The following TRPM3 variants were observed in gnomAD, a reference collection of about 807,000 sequenced individuals.
TRPM3 encodes the protein transient receptor potential cation channel subfamily M member 3.
In TRPM3, 77 loss-of-function variants were observed where a neutral mutation model predicts 181.2. That is an observed-to-expected ratio of 0.42 (90% CI 0.35 to 0.51). The LOEUF (loss-of-function observed/expected upper bound fraction) is 0.51. TRPM3 is among the 20% of genes least tolerant of loss of function. TRPM3 has a pLI of 0.01. For missense variants in TRPM3, 1,759 were observed against 2,196.7 expected (o/e 0.80, Z 3.98); for synonymous variants, 745 against 796.4 (o/e 0.94, Z 1.09).
intron 1 of TRPM3, among the ~76,000 whole-genome samples, chr9:71,042,336 T>C (rs1281021136): frequency 6.6e-6 from 1 of 152,222 alleles, no homozygotes; most frequent in African/African-American, 2.4e-5. Flanking sequence ...TACACAGCAT[T>C]TCCCACTTCA....
intron 8 of TRPM3, among the ~76,000 whole-genome samples, chr9:70,750,872 G>C (rs1363634792): frequency 6.6e-6 from 1 of 152,054 alleles, no homozygotes; most frequent in Non-Finnish European, 1.5e-5. Flanking sequence ...CAAGCTGTAA[G>C]TATGGTTGGA....
At chr9:71,322,339 C>A (rs1271144851) in intron 1 of TRPM3, among the ~76,000 whole-genome samples, 6 of 152,144 alleles carry the variant, frequency 3.9e-5, no homozygotes, top group Admixed American at 3.9e-4. Context: ...ACAAATGATT[C>A]ATCCAGACGA....
chr9:70,811,215 G>A (rs958237692), intron 6 of TRPM3: 11 of 1,612,020 alleles, frequency 6.8e-6, no homozygotes, highest in East Asian at 4.5e-5. Context: ...TAAAACAAGC[G>A]GGAGTCAAGA....
chr9:70,648,789 A>G (rs2059242098), intron 9 of TRPM3, among the ~76,000 whole-genome samples: 1 of 152,224 alleles, frequency 6.6e-6, no homozygotes. Context: ...CTGGTTAGCC[A>G]CATGCAAAAG....
chr9:70,887,759 C>A (rs1185885705), intron 1 of TRPM3, among the ~76,000 whole-genome samples: 2 of 152,102 alleles, frequency 1.3e-5, no homozygotes, highest in Non-Finnish European at 2.9e-5. Context: ...TCTTTACCAC[C>A]AGAGAATGGT....
At chr9:71,308,353 G>C (rs1211651533) in intron 1 of TRPM3, among the ~76,000 whole-genome samples, 1 of 152,120 alleles carries the variant, frequency 6.6e-6, no homozygotes, top group Non-Finnish European at 1.5e-5. Context: ...TATTTGAGAT[G>C]TTGTCAGCAT....
At chr9:70,833,484 T>A (rs1415231) in intron 5 of TRPM3, among the ~76,000 whole-genome samples, 80,349 of 151,960 alleles carry the variant, frequency 0.53, 21,887 homozygotes, top group Non-Finnish European at 0.56. Flanking sequence ...ACTTATTGCA[T>A]GCCAGGCACT....
chr9:71,321,790 GA>G (rs2089244423), intron 1 of TRPM3, among the ~76,000 whole-genome samples: 1 of 152,026 alleles, frequency 6.6e-6, no homozygotes, highest in African/African-American at 2.4e-5. Flanking sequence ...AATACTTATT[GA>G]GCAATTAGTC....
At chr9:70,640,739 T>C in intron 9 of TRPM3, 79 bp from the exon 10 acceptor site, 1 of 1,099,376 alleles carries the variant, frequency 9.1e-7, no homozygotes, top group Non-Finnish European at 1.4e-6. Flanking sequence ...GCCTGCTCCA[T>C]CCCTCTGCCA....
chr9:71,342,980 T>C (rs1379348763), intron 1 of TRPM3, among the ~76,000 whole-genome samples: 1 of 152,084 alleles, frequency 6.6e-6, no homozygotes, highest in African/African-American at 2.4e-5. Flanking sequence ...TCTACAATAG[T>C]GTACCCTTTG....
rs2094209359 is a variant in TRPM3, at chr9:71,446,734, G to A, written c.102C>T (p.Gly34=). ...ACCTTTTCCACGACTCGGCAAACCTGCCCCGGCTGGCGCTCCGGCTGCGTC... is the reference window on the plus strand; with the variant it reads ...ACCTTTTCCACGACTCGGCAAACCTACCCCGGCTGGCGCTCCGGCTGCGTC... The change falls in exon 1 of 25, where the codon GGC becomes GGT. Residue 34 remains glycine, a synonymous_variant. Transcript: ENST00000357533. The A allele has an allele frequency of 2.6e-6, 4 of 1,550,444 alleles. No homozygotes were observed. In the South Asian group the frequency reaches 4.8e-5, roughly 18 times the overall value.
At chr9:71,050,912 G>A (rs1270420720) in intron 1 of TRPM3, among the ~76,000 whole-genome samples, 1 of 152,206 alleles carries the variant, frequency 6.6e-6, no homozygotes, top group Non-Finnish European at 1.5e-5. Context: ...TGGGAGGGGA[G>A]AAGGACTGAC....
rs189420918 is a variant in TRPM3, at chr9:71,210,708, T to G, written c.183+235945A>C. Among the ~76,000 whole-genome samples the G allele has an allele frequency of 9.2e-5, 14 of 152,360 alleles. No individual in the cohort carries two copies. The East Asian group carries it at 2.5e-3, about 27-fold the overall frequency. On this transcript the variant is annotated intron_variant, in intron 1 of 24. Transcript: ENST00000357533. ...AGTTGGCACGTGGACTTTGTCTTAATGTGTTCTGGCTGCTATCACAAAACA... is the reference window on the plus strand; with the variant it reads ...AGTTGGCACGTGGACTTTGTCTTAAGGTGTTCTGGCTGCTATCACAAAACA...
chr9:71,254,959 A>G (rs1462948734), intron 1 of TRPM3, among the ~76,000 whole-genome samples: 1 of 152,224 alleles, frequency 6.6e-6, no homozygotes, highest in Non-Finnish European at 1.5e-5. Flanking sequence ...TACCTCTTTC[A>G]GAGACAGCTT....
At chr9:71,042,100 T>A (rs2132975047) in intron 1 of TRPM3, among the ~76,000 whole-genome samples, 1 of 152,256 alleles carries the variant, frequency 6.6e-6, no homozygotes, top group African/African-American at 2.4e-5. Context: ...CTCAGAAATC[T>A]GAGGATTAAA....
At position 70,530,589 on chromosome 9, in the gene TRPM3, A is replaced by G. The variant is rs1039965248; in HGVS notation, c.*5364T>C. 1.2e-4 allele frequency: 18 copies of G among 152,266 alleles called. No homozygotes were observed. Among genetic ancestry groups the G allele is most frequent in the Admixed American group, 1.2e-3 (18 of 15,284 alleles). The allele number at this position is 152,266 out of a possible 1,614,324, so 9.4% of individuals were successfully genotyped here. A position where few individuals can be genotyped will look rare whatever the true frequency, so the allele number is the denominator to read the frequency against. ...TTATTGCCATCTGGATTACCTGGTC[A>G]CCAAAATCCTCTCTTAGATGACCTG... On this transcript the variant is annotated 3_prime_UTR_variant, in exon 26 of 26. Coordinates refer to ENST00000677713, the MANE Select transcript of TRPM3 (RefSeq NM_001366145.2).
intron 9 of TRPM3, among the ~76,000 whole-genome samples, chr9:70,654,855 T>C (rs926963385): frequency 6.6e-6 from 1 of 151,510 alleles, no homozygotes; most frequent in Admixed American, 6.6e-5. Flanking sequence ...CTAATTTTTT[T>C]TGTATTTTTA....
rs2041069233 is a variant in TRPM3 at position 70,532,800 on chromosome 9, T to C, written c.*3153A>G. The C allele has an allele frequency of 6.6e-6, 1 of 152,178 alleles. No individual in the cohort carries two copies. The highest frequency in any genetic ancestry group is 2.4e-5 in the African/African-American group (1 of 41,448). 9.4% of individuals were successfully genotyped at this position (152,178 alleles called of 1,614,324 possible). ...CCTCAGTAACTTGCTGCTCATAAAC[T>C]GCTTAATTCACAAAGACAGGTAATT... is the stretch of plus-strand genomic sequence containing the variant. On this transcript the variant is annotated 3_prime_UTR_variant, in exon 26 of 26. Transcript: ENST00000677713.
At position 71,121,287 on chromosome 9, in the gene TRPM3, C is replaced by T. The variant is rs1457590094; in HGVS notation, c.68G>A (p.Trp23Ter). ...ATTCATGACCCCTTCCAAATTCCAC[C>T]AGGAAAACAAGAAACTGAAAACCTG... ...IAQVFSFLFS[W>*]WNLEGVMNQA... The change falls in exon 1 of 26, where the codon TGG becomes TAG. Residue 23 changes from tryptophan to a stop codon, truncating the protein, a stop_gained. Transcript: ENST00000677713. LOFTEE classifies it high-confidence loss of function. 1.2e-6 allele frequency: 2 copies of T among 1,614,092 alleles called. No individual in the cohort carries two copies. The highest frequency in any genetic ancestry group is 2.2e-5 in the South Asian group (2 of 91,080).
Sources: allele counts gnomAD v4.1 joint callset (sites outside exome capture counted in the v4.1 genomes callset), GRCh38; gene constraint gnomAD v4.1.1; transcripts MANE v1.5; gene names NCBI Gene and HGNC (gene_info 2026-07-23, HGNC 2026-07-21).